Variants in SPEF2 observed in about 807,000 individuals in gnomAD.
SPEF2 encodes sperm flagellar and cilia associated 2, also known as sperm flagella and cilia-associated protein 2.
SPEF2 carries 187 observed loss-of-function variants against 224.6 expected under a neutral mutation model. The ratio of observed to expected loss-of-function variants is 0.83; its 90% confidence interval spans 0.74 to 0.94. The LOEUF is 0.94. SPEF2 is among the 40% of genes least tolerant of loss of function. The pLI is 0.00. For missense variants in SPEF2, 2,170 were observed against 2,135.6 expected, an observed-to-expected ratio of 1.02 and a Z score of -0.32; for synonymous variants, 715 against 707.3, an observed-to-expected ratio of 1.01 and a Z score of -0.17.
At chr5:35,639,894 T>G (rs1024526434) in intron 2 of SPEF2, among the ~76,000 whole-genome samples, 1 of 152,102 alleles carries the variant, frequency 6.6e-6, no homozygotes, top group African/African-American at 2.4e-5. Flanking sequence ...AAAAAACAAC[T>G]GTTGATTATC....
At chr5:35,750,260 C>G (rs1749206017) in intron 23 of SPEF2, among the ~76,000 whole-genome samples, 1 of 152,120 alleles carries the variant, frequency 6.6e-6, no homozygotes, top group Non-Finnish European at 1.5e-5. Context: ...TACAAGATAA[C>G]TTTGGAAGAA....
chr5:35,788,046 G>A, intron 30 of SPEF2: 2 of 702,896 alleles, frequency 2.8e-6, no homozygotes, highest in Non-Finnish European at 5.2e-6. Context: ...CGTAAGCATG[G>A]AGTGAAGTCA....
chr5:35,724,238 C>T (rs1265875588), intron 20 of SPEF2, among the ~76,000 whole-genome samples: 1 of 152,146 alleles, frequency 6.6e-6, no homozygotes, highest in African/African-American at 2.4e-5. Flanking sequence ...TACCCTCCCA[C>T]ATTAATTTGC....
At position 35,793,233 on chromosome 5, in the gene SPEF2, A is replaced by G. The variant is rs2149834919; in HGVS notation, c.4629A>G (p.Ser1543=). Residue 1543 remains serine (S), a synonymous_variant, in exon 32 of 37, where the codon TCA becomes TCG. Coordinates refer to ENST00000356031, the MANE Select transcript of SPEF2 (RefSeq NM_024867.4). ...GGCGGAAGTTCCTGTTAGTAACCTC[A>G]ATGCCTTGGCCCATTCCCTTGGAGG... ...VDWRKFLLVT[S]MPWPIPLEEE... is the part of the protein sequence containing the mutation. 2 of 1,614,172 alleles carry G rather than the reference A, an allele frequency of 1.2e-6. No individual in the cohort carries two copies. Among genetic ancestry groups the G allele is most frequent in the Non-Finnish European group, 1.7e-6 (2 of 1,180,030 alleles).
At chr5:35,774,089 A>C in intron 28 of SPEF2, 68 bp downstream of exon 28, 1 of 1,560,490 alleles carries the variant, frequency 6.4e-7, no homozygotes, top group South Asian at 1.2e-5. Context: ...ACAGCCCACA[A>C]CTGGCTCATC....
At chr5:35,766,141 A>G (rs1230371028) in intron 26 of SPEF2, among the ~76,000 whole-genome samples, 1 of 152,104 alleles carries the variant, frequency 6.6e-6, no homozygotes, top group Non-Finnish European at 1.5e-5. Flanking sequence ...AGATAATACT[A>G]GCTTAATAAA....
chr5:35,685,260 C>T (rs1423706304), intron 10 of SPEF2, among the ~76,000 whole-genome samples: 1 of 152,098 alleles, frequency 6.6e-6, no homozygotes, highest in African/African-American at 2.4e-5. Context: ...GAAAAACTTA[C>T]TATGAGTACT....
intron 26 of SPEF2, among the ~76,000 whole-genome samples, chr5:35,768,147 C>A (rs984865747): frequency 6.6e-6 from 1 of 152,060 alleles, no homozygotes; most frequent in African/African-American, 2.4e-5. Flanking sequence ...ATGCCCACAT[C>A]AAACATAATA....
Position 35,792,342 on chromosome 5 carries a change from A to T in SPEF2, c.4450A>T (p.Ile1484Leu). The T allele has an allele frequency of 6.2e-7, 1 of 1,613,108 alleles. No individual in the cohort carries two copies. Among genetic ancestry groups the T allele is most frequent in the Non-Finnish European group, 8.5e-7 (1 of 1,179,338 alleles). Residue 1484 changes from isoleucine to leucine, a missense_variant and splice_region_variant, in exon 31 of 37, where the codon ATA (isoleucine) becomes TTA (leucine). Coordinates refer to ENST00000356031, the MANE Select transcript of SPEF2 (RefSeq NM_024867.4). ...AAATATTTTTCATTGTATTATAGGCATAATAGGAAATAAAGCATTTACTGA... is the reference window on the plus strand; with the variant it reads ...AAATATTTTTCATTGTATTATAGGCTTAATAGGAAATAAAGCATTTACTGA... ...DQFLDMAPKG[I>L]IGNKAFTDIL...
chr5:35,795,077 C>T (rs1339042541), intron 32 of SPEF2, among the ~76,000 whole-genome samples: 1 of 151,920 alleles, frequency 6.6e-6, no homozygotes, highest in South Asian at 2.1e-4. Flanking sequence ...TAAGATTTGT[C>T]GAAAACGCCC....
intron 25 of SPEF2, 24 bp from the exon 26 acceptor site, chr5:35,763,498 T>C (rs2149759153): frequency 6.6e-7 from 1 of 1,524,716 alleles, no homozygotes; most frequent in South Asian, 1.3e-5. Context: ...TTTTTTATCC[T>C]TTTTGCTTGT....
chr5:35,780,032 T>G (rs1754113160), intron 30 of SPEF2, among the ~76,000 whole-genome samples: 1 of 152,184 alleles, frequency 6.6e-6, no homozygotes, highest in South Asian at 2.1e-4. Context: ...TCATCTCCAC[T>G]TTAAAGGTCT....
At chr5:35,741,197 T>A (rs1001334814) in intron 23 of SPEF2, among the ~76,000 whole-genome samples, 1 of 152,140 alleles carries the variant, frequency 6.6e-6, no homozygotes, top group Non-Finnish European at 1.5e-5. Flanking sequence ...AATGTGTCCT[T>A]AGTCATAAGA....
intron 16 of SPEF2, among the ~76,000 whole-genome samples, chr5:35,703,769 A>G (rs1381460157): frequency 1.3e-5 from 2 of 152,192 alleles, no homozygotes; most frequent in Non-Finnish European, 2.9e-5. Context: ...AATCATTTTA[A>G]AGCATCATTC....
chr5:35,708,351 C>T (rs1029267935), intron 18 of SPEF2, among the ~76,000 whole-genome samples: 5 of 151,988 alleles, frequency 3.3e-5, no homozygotes, highest in African/African-American at 9.7e-5. Context: ...TGCCCTTTAC[C>T]GTCTTTTTAC....
chr5:35,777,229 T>C (rs1479777714), intron 29 of SPEF2, among the ~76,000 whole-genome samples: 1 of 152,180 alleles, frequency 6.6e-6, no homozygotes, highest in African/African-American at 2.4e-5. Context: ...GCTGTTATGG[T>C]TCGTTTTCTC....
intron 34 of SPEF2, among the ~76,000 whole-genome samples, chr5:35,801,236 C>T (rs11948206): frequency 0.32 from 48,192 of 152,068 alleles, 8,272 homozygotes; most frequent in African/African-American, 0.44. Context: ...AAATAAGGGG[C>T]TGGGTGTGGT....
intron 24 of SPEF2, among the ~76,000 whole-genome samples, chr5:35,755,607 T>C (rs1203672665): frequency 6.6e-6 from 1 of 152,188 alleles, no homozygotes; most frequent in Non-Finnish European, 1.5e-5. Context: ...AAGATTTTCA[T>C]GTAGAATATA....
chr5:35,799,926 A>G, intron 33 of SPEF2, 42 bp from the exon 34 acceptor site: 1 of 1,606,444 alleles, frequency 6.2e-7, no homozygotes, highest in Non-Finnish European at 8.5e-7. Context: ...ACTGACTATG[A>G]GAGTGCACCC....
Sources: allele counts gnomAD v4.1 joint callset (sites outside exome capture counted in the v4.1 genomes callset), GRCh38; gene constraint gnomAD v4.1.1; transcripts MANE v1.5; gene names NCBI Gene and HGNC (gene_info 2026-07-23, HGNC 2026-07-21).